Variants in ADGRD1 observed in about 807,000 individuals in gnomAD.
ADGRD1 encodes adhesion G protein-coupled receptor D1.
Under a neutral mutation model 113.4 loss-of-function variants are expected in ADGRD1, and 77 were observed. That is an observed-to-expected ratio of 0.68 (90% confidence interval 0.57 to 0.82). The LOEUF is 0.82. Among genes scored for constraint, ADGRD1 ranks in the 40% least tolerant of loss-of-function variants. The probability of loss-of-function intolerance (pLI) is 0.00; values close to 1 mark genes in which losing one functional copy is unlikely to be tolerated. For synonymous variants in ADGRD1, 474 were observed against 475.0 expected (o/e 1.00, Z 0.03); for missense variants, 1,036 against 1,139.1 (o/e 0.91, Z 1.30).
At chr12:131,040,606 C>T (rs1390623039) in intron 13 of ADGRD1, among the ~76,000 whole-genome samples, 7 of 152,232 alleles carry the variant, frequency 4.6e-5, no homozygotes, top group Non-Finnish European at 7.3e-5. Context: ...AGGCCTGGGC[C>T]GGGCAGCTCA....
intron 15 of ADGRD1, among the ~76,000 whole-genome samples, chr12:131,090,920 A>G (rs1886865026): frequency 6.6e-6 from 1 of 152,224 alleles, no homozygotes; most frequent in Non-Finnish European, 1.5e-5. Flanking sequence ...GCCAGGGTCA[A>G]GAATGGGTAG....
chr12:130,979,281 A>G (rs1872683059), intron 4 of ADGRD1, among the ~76,000 whole-genome samples: 1 of 152,300 alleles, frequency 6.6e-6, no homozygotes, highest in East Asian at 1.9e-4. Context: ...GGCCTCTTCC[A>G]ATTTTTTTGA....
chr12:131,033,559 G>C, intron 13 of ADGRD1, among the ~76,000 whole-genome samples: 1 of 152,216 alleles, frequency 6.6e-6, no homozygotes, highest in East Asian at 1.9e-4. Context: ...GTGCAGTGAC[G>C]GAGGCAGCCA....
chr12:131,038,974 C>G lies in ADGRD1; in HGVS notation c.1473+24634C>G, dbSNP rs572792694. ...GTGGAGGAGGGAGCAAGGCTGTCCC[C>G]CTAGGGAGGAGGAAGCCTATGGTCA... On this transcript the variant is annotated intron_variant, in intron 13 of 24. Coordinates refer to ENST00000261654, the MANE Select transcript of ADGRD1 (RefSeq NM_198827.5). Among the ~76,000 whole-genome samples the G allele has an allele frequency of 4.7e-4, 71 of 152,350 alleles. 1 individual carries two copies. The highest frequency in any genetic ancestry group is 1.7e-3 in the African/African-American group (69 of 41,578).
At chr12:131,080,072 C>T (rs1593177006) in intron 14 of ADGRD1, among the ~76,000 whole-genome samples, 2 of 152,220 alleles carry the variant, frequency 1.3e-5, no homozygotes, top group South Asian at 4.1e-4. Flanking sequence ...TAGGTTATTA[C>T]TATGAAGCTT....
At chr12:131,087,906 T>C (rs1166757862) in intron 15 of ADGRD1, among the ~76,000 whole-genome samples, 1 of 152,104 alleles carries the variant, frequency 6.6e-6, no homozygotes, top group African/African-American at 2.4e-5. Flanking sequence ...GTAGAAACAG[T>C]TCCTGGGTTT....
At chr12:131,138,961 A>C (rs1038048035) in intron 24 of ADGRD1, among the ~76,000 whole-genome samples, 5 of 152,172 alleles carry the variant, frequency 3.3e-5, no homozygotes, top group Admixed American at 3.3e-4. Context: ...AAGGGGAGTC[A>C]GCGTGGAGAA....
In ADGRD1 at chr12:131,122,511, G is replaced by A. The variant is rs144986028; in HGVS notation, c.2175+1598G>A. Among the ~76,000 whole-genome samples, 1,323 of 152,002 alleles carry A rather than the reference G, an allele frequency of 8.7e-3. 11 individuals are homozygous for A. Among genetic ancestry groups the A allele is most frequent in the African/African-American group, 0.029 (1,197 of 41,298 alleles). On this transcript the variant is annotated intron_variant, in intron 20 of 24. Coordinates refer to ENST00000261654, the MANE Select transcript of ADGRD1 (RefSeq NM_198827.5). ...AGGGAGAGGTCCCCGCGCTCTCTGG[G>A]GGTCTGGGAGGACCATTCATTTTGC...
In ADGRD1 at chr12:131,037,791, G is replaced by A. The variant is rs562976393; in HGVS notation, c.1473+23451G>A. On this transcript the variant is annotated intron_variant, in intron 13 of 24. Coordinates refer to ENST00000261654, the MANE Select transcript of ADGRD1 (RefSeq NM_198827.5). ...TGCATGGGGCCGCACTCACTGCACC[G>A]GGTCTCACTCACTGCACCAGGATCT... Among the ~76,000 whole-genome samples the A allele has an allele frequency of 1.4e-4, 9 of 63,048 alleles. No individual in the cohort carries two copies. The South Asian group carries it at 8.0e-3, about 56-fold the overall frequency. The allele number at this position is 63,048 out of a possible 152,430, so 41.4% of individuals were successfully genotyped here. A position where few individuals can be genotyped will look rare whatever the true frequency, so the allele number is the denominator to read the frequency against.
At chr12:131,083,265 A>G (rs565921405) in intron 14 of ADGRD1, among the ~76,000 whole-genome samples, 9 of 151,980 alleles carry the variant, frequency 5.9e-5, no homozygotes, top group Admixed American at 2.0e-4. Context: ...TGAGGTTCCA[A>G]CTTCAGGGAA....
chr12:130,960,952 A>G (rs1353372261), intron 2 of ADGRD1, among the ~76,000 whole-genome samples: 4 of 152,240 alleles, frequency 2.6e-5, no homozygotes, highest in African/African-American at 9.6e-5. Flanking sequence ...CATTCCAGGC[A>G]GTGGGAACAG....
intron 15 of ADGRD1, among the ~76,000 whole-genome samples, chr12:131,087,108 G>A (rs1181651049): frequency 6.6e-6 from 1 of 152,154 alleles, no homozygotes; most frequent in Non-Finnish European, 1.5e-5. Context: ...TTCTCACCAT[G>A]TTCCTCAGGC....
chr12:131,111,684 G>C (rs1340167796), intron 18 of ADGRD1, among the ~76,000 whole-genome samples: 1 of 151,278 alleles, frequency 6.6e-6, no homozygotes, highest in Non-Finnish European at 1.5e-5. Context: ...TGATTCTTCT[G>C]CCACTTTGGA....
At chr12:131,127,667 C>A (rs12824185) in intron 20 of ADGRD1, among the ~76,000 whole-genome samples, 1 of 133,594 alleles carries the variant, frequency 7.5e-6, no homozygotes. Flanking sequence ...TTATGGGACT[C>A]TGAGCTCAGG....
At chr12:131,112,195 G>A (rs1442033175) in intron 18 of ADGRD1, among the ~76,000 whole-genome samples, 2 of 152,180 alleles carry the variant, frequency 1.3e-5, no homozygotes, top group African/African-American at 4.8e-5. Context: ...CCAGAGGGCA[G>A]TCTTAGGCAT....
chr12:130,955,070 C>T (rs1869374115), intron 2 of ADGRD1, among the ~76,000 whole-genome samples: 1 of 151,118 alleles, frequency 6.6e-6, no homozygotes, highest in Non-Finnish European at 1.5e-5. Context: ...AGCAATTCTC[C>T]TGCCTCAGCC....
At position 131,006,506 on chromosome 12, in the gene ADGRD1, C is replaced by G. The variant is rs1351204803; in HGVS notation, c.1331+459C>G. Among the ~76,000 whole-genome samples, 3 of 152,194 alleles carry G rather than the reference C, an allele frequency of 2.0e-5. No individual in the cohort carries two copies. In the East Asian group the frequency reaches 5.8e-4, roughly 29 times the overall value. ...CAGGTGGGCCTCAGTCATGGCTGGA[C>G]CCGGGGACCCCGAGGACGCCGTCTA... On this transcript the variant is annotated intron_variant, in intron 12 of 24. Coordinates refer to ENST00000261654, the MANE Select transcript of ADGRD1 (RefSeq NM_198827.5).
chr12:130,974,000 C>T (rs1056953548), intron 4 of ADGRD1, among the ~76,000 whole-genome samples: 1 of 152,180 alleles, frequency 6.6e-6, no homozygotes, highest in Non-Finnish European at 1.5e-5. Flanking sequence ...AGGCTGCTCT[C>T]GTGAGGCCTG....
At chr12:130,979,817 T>TCACACACACACA (rs10526212) in intron 4 of ADGRD1, among the ~76,000 whole-genome samples, 2,274 of 53,740 alleles carry the variant, frequency 0.042, 33 homozygotes, top group East Asian at 0.12. Context: ...AGCTAGTGTC[T>TCACACACACACA]CACACACACA....
Sources: gnomAD v4.1 joint callset for allele counts (sites outside exome capture counted in the v4.1 genomes callset) on GRCh38, gnomAD v4.1.1 for gene constraint, MANE v1.5 for transcripts, NCBI Gene and HGNC (gene_info 2026-07-23, HGNC 2026-07-21) for gene names.